Variants in AKAP19 observed in about 807,000 individuals in gnomAD.
AKAP19 encodes A-kinase anchoring protein 19.
the AKAP19 span, among the ~76,000 whole-genome samples, chr2:190,174,138 CAT>C: frequency 6.6e-6 from 1 of 152,228 alleles, no homozygotes; most frequent in Admixed American, 6.5e-5. Context: ...AGGGGAAAAA[CAT>C]AGCAGTAGGG....
chr2:189,949,675 A>AGG, the AKAP19 span, among the ~76,000 whole-genome samples: 72 of 130,366 alleles, frequency 5.5e-4, no homozygotes, highest in Non-Finnish European at 8.7e-4. Flanking sequence ...CACTCTCACC[A>AGG]GGCTGGAGTG....
the AKAP19 span, chr2:190,079,894 A>T: frequency 0.07 from 6,498 of 92,796 alleles, 248 homozygotes; most frequent in East Asian, 0.24. Context: ...TGTGTGTGAG[A>T]GAGAGAGAGA....
At chr2:190,169,668 T>C in the AKAP19 span, among the ~76,000 whole-genome samples, 2 of 152,346 alleles carry the variant, frequency 1.3e-5, no homozygotes, top group Non-Finnish European at 2.9e-5. Context: ...TTATGAAATA[T>C]GATCAGCTAC....
chr2:190,193,666 G>A, the AKAP19 span, among the ~76,000 whole-genome samples: 1 of 151,990 alleles, frequency 6.6e-6, no homozygotes, highest in East Asian at 1.9e-4. Context: ...CCTTTTAAAC[G>A]TATATAGATG....
chr2:190,179,857 G>A, the AKAP19 span, among the ~76,000 whole-genome samples: 1 of 152,162 alleles, frequency 6.6e-6, no homozygotes, highest in East Asian at 1.9e-4. This position sits in a 1 kb window ranked among gnomAD's most constrained non-coding sequence, Gnocchi z 6.0. Flanking sequence ...TGACTAATCC[G>A]TTGTAGAACA....
chr2:190,189,674 A>T, the AKAP19 span: 1 of 151,860 alleles, frequency 6.6e-6, no homozygotes. Flanking sequence ...CCCTCTCTCT[A>T]CTCTACCCTC....
chr2:189,923,210 C>G, the AKAP19 span: 2 of 885,698 alleles, frequency 2.3e-6, no homozygotes, highest in African/African-American at 3.4e-5. Context: ...GTTGCGGCCG[C>G]GTTGCCGACC....
the AKAP19 span, among the ~76,000 whole-genome samples, chr2:190,157,718 A>G: frequency 0.14 from 20,819 of 152,188 alleles, 1,634 homozygotes; most frequent in Admixed American, 0.23. Context: ...TAATAATGAC[A>G]ATCTTATAAA....
chr2:189,954,852 G>C, the AKAP19 span, among the ~76,000 whole-genome samples: 1 of 152,026 alleles, frequency 6.6e-6, no homozygotes, highest in Non-Finnish European at 1.5e-5. Flanking sequence ...GCATACTACT[G>C]ATGTTTAAAT....
the AKAP19 span, among the ~76,000 whole-genome samples, chr2:190,051,076 A>G: frequency 6.6e-6 from 1 of 152,214 alleles, no homozygotes; most frequent in Non-Finnish European, 1.5e-5. Flanking sequence ...ACAGTTTTTC[A>G]CACCTGAGTT....
At chr2:190,176,342 T>C in the AKAP19 span, among the ~76,000 whole-genome samples, 1 of 152,138 alleles carries the variant, frequency 6.6e-6, no homozygotes. The surrounding 1 kb of genome is among the most constrained non-coding windows in gnomAD (Gnocchi z 4.7). Flanking sequence ...AGGAGTAAAG[T>C]ATGAGACATT....
the AKAP19 span, among the ~76,000 whole-genome samples, chr2:189,929,282 A>G: frequency 9.2e-5 from 14 of 152,264 alleles, no homozygotes; most frequent in African/African-American, 2.9e-4. Context: ...TCTTTTTGCT[A>G]TGGTTCAAGA....
At chr2:189,943,837 G>A in the AKAP19 span, among the ~76,000 whole-genome samples, 46 of 152,332 alleles carry the variant, frequency 3.0e-4, no homozygotes, top group African/African-American at 4.1e-4. Flanking sequence ...GCCCTGCAGC[G>A]TTATGAACTT....
At chr2:190,115,609 G>A in the AKAP19 span, among the ~76,000 whole-genome samples, 18 of 151,656 alleles carry the variant, frequency 1.2e-4, no homozygotes, top group East Asian at 1.6e-3. Flanking sequence ...GTGAGCCACC[G>A]CGCCCGGCCA....
At chr2:190,194,002 A>G in the AKAP19 span, among the ~76,000 whole-genome samples, 18 of 152,322 alleles carry the variant, frequency 1.2e-4, no homozygotes, top group South Asian at 4.1e-4. Flanking sequence ...AGTTGAAACT[A>G]TATTTTAATT....
At chr2:189,979,872 C>G in the AKAP19 span, among the ~76,000 whole-genome samples, 1 of 152,120 alleles carries the variant, frequency 6.6e-6, no homozygotes, top group Admixed American at 6.5e-5. Flanking sequence ...TGATGAGATA[C>G]CATCTTCTAC....
At chr2:190,101,608 G>C in the AKAP19 span, among the ~76,000 whole-genome samples, 4 of 151,800 alleles carry the variant, frequency 2.6e-5, no homozygotes, top group East Asian at 1.9e-4. Flanking sequence ...AATGATAAAG[G>C]CTCAACAAGA....
At chr2:189,932,236 C>T in the AKAP19 span, among the ~76,000 whole-genome samples, 22 of 151,978 alleles carry the variant, frequency 1.4e-4, no homozygotes, top group Admixed American at 2.6e-4. Context: ...AGTGAAATCC[C>T]GTCTCCACTA....
At chr2:190,140,797 A>G in the AKAP19 span, among the ~76,000 whole-genome samples, 1 of 152,180 alleles carries the variant, frequency 6.6e-6, no homozygotes. Flanking sequence ...TTGGCTCCTC[A>G]TTACCTATGC....
Sources: allele counts gnomAD v4.1 joint callset (sites outside exome capture counted in the v4.1 genomes callset), GRCh38; gene constraint gnomAD v4.1.1; non-coding constraint Gnocchi (gnomAD v3.1); transcripts MANE v1.5; gene names NCBI Gene and HGNC (gene_info 2026-07-23, HGNC 2026-07-21).